The following USP3 variants were observed in gnomAD, a reference collection of about 807,000 sequenced individuals.
The protein encoded by USP3 is ubiquitin carboxyl-terminal hydrolase 3.
In USP3, 20 loss-of-function variants were observed where a neutral mutation model predicts 72.3. The observed-to-expected ratio is 0.28, with a 90% CI of 0.19 to 0.40. The LOEUF is 0.40. Among genes scored for constraint, USP3 ranks in the 10% least tolerant of loss-of-function variants. USP3 has a pLI of 1.00. For synonymous variants in USP3, 222 were observed against 225.3 expected (o/e 0.99, Z 0.13); for missense variants, 479 against 633.9 (o/e 0.76, Z 2.62).
At chr15:63,558,007 C>A in intron 5 of USP3, 99 bp from the exon 6 acceptor site, 1 of 1,213,830 alleles carries the variant, frequency 8.2e-7, no homozygotes, top group Non-Finnish European at 1.2e-6. Flanking sequence ...TCCAAATTGG[C>A]TTGGTGCTAG....
chr15:63,568,322 T>C (rs1166996885), intron 8 of USP3, among the ~76,000 whole-genome samples: 1 of 143,904 alleles, frequency 6.9e-6, no homozygotes, highest in Admixed American at 7.3e-5. Flanking sequence ...ACCGTTGCAC[T>C]CCAGCCTGAC....
At chr15:63,539,237 C>T (rs2066206391) in intron 3 of USP3, among the ~76,000 whole-genome samples, 1 of 151,592 alleles carries the variant, frequency 6.6e-6, no homozygotes, top group Non-Finnish European at 1.5e-5. Context: ...TAATATAATT[C>T]TTGAAGTATC....
intron 9 of USP3, among the ~76,000 whole-genome samples, chr15:63,571,365 G>A (rs2066776179): frequency 6.6e-6 from 1 of 152,136 alleles, no homozygotes; most frequent in Non-Finnish European, 1.5e-5. Flanking sequence ...GGATGTGGTA[G>A]GACTACTTCT....
intron 11 of USP3, among the ~76,000 whole-genome samples, chr15:63,581,989 G>A (rs1026982942): frequency 1.3e-5 from 2 of 152,204 alleles, no homozygotes; most frequent in African/African-American, 4.8e-5. Context: ...TGGCCTGTAT[G>A]TTTTAATAAT....
At chr15:63,541,203 T>G (rs2066239901) in intron 3 of USP3, among the ~76,000 whole-genome samples, 1 of 152,180 alleles carries the variant, frequency 6.6e-6, no homozygotes, top group Admixed American at 6.5e-5. Context: ...TTTTAAAGCA[T>G]CCTTTCAAAT....
chr15:63,556,503 T>C (rs1334616446), intron 4 of USP3, 164 bp from the exon 5 acceptor site: 1 of 489,468 alleles, frequency 2.0e-6, no homozygotes, highest in Non-Finnish European at 3.7e-6. Context: ...GAAGTAGAGC[T>C]CCTCGGTTAA....
chr15:63,512,031 A>ACTG (rs1436566450), intron 1 of USP3, among the ~76,000 whole-genome samples: 2 of 133,380 alleles, frequency 1.5e-5, no homozygotes, highest in East Asian at 4.3e-4. Flanking sequence ...ATCTTGTCTC[A>ACTG]CTGCAACCTC....
At chr15:63,550,468 TCTAG>T (rs2066420864) in intron 3 of USP3, among the ~76,000 whole-genome samples, 1 of 152,224 alleles carries the variant, frequency 6.6e-6, no homozygotes, top group South Asian at 2.1e-4. Flanking sequence ...CTTTTTTATA[TCTAG>T]CTGAGAGTTA....
intron 1 of USP3, among the ~76,000 whole-genome samples, chr15:63,510,652 T>C (rs531725506): frequency 1.6e-4 from 25 of 152,140 alleles, no homozygotes; most frequent in Non-Finnish European, 3.2e-4. Flanking sequence ...AGGAAGTACT[T>C]TGATGGGTTC....
intron 1 of USP3, among the ~76,000 whole-genome samples, chr15:63,512,356 T>TTCCTCCTCTTCCTCC (rs1168182434): frequency 4.6e-5 from 2 of 43,318 alleles, no homozygotes; most frequent in African/African-American, 1.5e-4. Flanking sequence ...CCTCTTCCTC[T>TTCCTCCTCTTCCTCC]TCTTCTTCTT....
At chr15:63,581,305 A>T (rs1314904143) in intron 11 of USP3, among the ~76,000 whole-genome samples, 1 of 151,682 alleles carries the variant, frequency 6.6e-6, no homozygotes. Flanking sequence ...CCTTAAAGAA[A>T]TATATTTCCA....
chr15:63,510,687 AGG>A (rs1223175086), intron 1 of USP3, among the ~76,000 whole-genome samples: 3 of 151,998 alleles, frequency 2.0e-5, no homozygotes. Context: ...TACTTTTTGG[AGG>A]GTGTGTTTGT....
At position 63,553,206 on chromosome 15, in the gene USP3, T is replaced by C. The variant is rs2066460513; in HGVS notation, c.285-509T>C. 6.6e-6 allele frequency: 1 copy of C among 152,288 alleles called. No individual in the cohort carries two copies. The highest frequency in any genetic ancestry group is 6.5e-5 in the Admixed American group (1 of 15,282). The allele number at this position is 152,288 out of a possible 1,614,324, so 9.4% of individuals were successfully genotyped here. ...TCAGCTCATCTGAATTCAAGCTATT[T>C]TAATTAAATTATGTTTAAAATGTGC... On this transcript the variant is annotated intron_variant, in intron 3 of 14. Transcript: ENST00000380324. This position sits in a 1 kb window ranked among gnomAD's most constrained non-coding sequence, Gnocchi z 4.2.
intron 8 of USP3, among the ~76,000 whole-genome samples, chr15:63,565,217 TACACACACCCCCAAAAC>T (rs1326227085): frequency 1.3e-5 from 2 of 152,048 alleles, no homozygotes; most frequent in African/African-American, 4.8e-5. Context: ...TATATATACA[TACACACACCCCCAAAAC>T]ACACACACCC....
In USP3 at chr15:63,588,931, C is replaced by T. The variant is rs759558511; in HGVS notation, c.1330-13C>T. On this transcript the variant is annotated splice_polypyrimidine_tract_variant and intron_variant, in intron 13 of 14. Transcript: ENST00000380324. This position sits in a 1 kb window ranked among gnomAD's most constrained non-coding sequence, Gnocchi z 4.6. ...ATGTCATTGACCACTGCTCCTTCTT[C>T]CTTGTTCTGTAGCCTGAGAACAGTG... 3 of 1,614,148 alleles carry T rather than the reference C, an allele frequency of 1.9e-6. No individual in the cohort carries two copies. The highest frequency in any genetic ancestry group is 3.3e-5 in the Admixed American group (2 of 60,020).
chr15:63,570,500 C>A lies in USP3; in HGVS notation c.829C>A (p.Gln277Lys). The A allele has an allele frequency of 6.2e-7, 1 of 1,614,214 alleles. No individual in the cohort carries two copies. The highest frequency in any genetic ancestry group is 1.1e-5 in the South Asian group (1 of 91,090). Residue 277 changes from glutamine to lysine, a missense_variant, in exon 9 of 15, where the codon CAG becomes AAG. By Grantham distance (53) the Gln-to-Lys change is moderately conservative. Transcript: ENST00000380324. This position sits in a 1 kb window ranked among gnomAD's most constrained non-coding sequence, Gnocchi z 4.4. ...TTTGGACCACCTACACTTGGAACTT[C>A]AGGGCGGTTTCAACGGTGTTTCCCG... ...YLLDHLHLEL[Q>K]GGFNGVSRSA...
intron 3 of USP3, among the ~76,000 whole-genome samples, chr15:63,543,285 A>C (rs2066272326): frequency 1.3e-5 from 2 of 152,118 alleles, no homozygotes; most frequent in Admixed American, 1.3e-4. Context: ...CCTCAAACAT[A>C]TTGTGAACAA....
In USP3 at chr15:63,553,945, G is replaced by A. The variant is rs1470211241; in HGVS notation, c.368+147G>A. 8.2e-6 allele frequency: 5 copies of A among 611,030 alleles called. No homozygotes were observed. The highest frequency in any genetic ancestry group is 1.3e-5 in the Non-Finnish European group (5 of 377,790). 37.9% of individuals were successfully genotyped at this position (611,030 alleles called of 1,614,324 possible). A position where few individuals can be genotyped will look rare whatever the true frequency, so the allele number is the denominator to read the frequency against. On this transcript the variant is annotated intron_variant, in intron 4 of 14. Transcript: ENST00000380324. The surrounding 1 kb of genome is among the most constrained non-coding windows in gnomAD (Gnocchi z 4.2). ...TGTTAATAAAATAAACCTTGGCTTT[G>A]GATAGCTAAAACTTGGCCCATAGTT...
intron 7 of USP3, among the ~76,000 whole-genome samples, chr15:63,562,576 C>G (rs189900012): frequency 6.6e-6 from 1 of 152,312 alleles, no homozygotes; most frequent in African/African-American, 2.4e-5. Flanking sequence ...TGAAAATGTA[C>G]ATTCTTAAGT....
Sources: gnomAD v4.1 joint callset for allele counts (sites outside exome capture counted in the v4.1 genomes callset) on GRCh38, gnomAD v4.1.1 for gene constraint, Gnocchi (gnomAD v3.1) non-coding constraint, MANE v1.5 for transcripts, NCBI Gene and HGNC (gene_info 2026-07-23, HGNC 2026-07-21) for gene names.